The following RIMS2 variants were observed in gnomAD, a reference collection of about 807,000 sequenced individuals.
RIMS2 encodes the protein regulating synaptic membrane exocytosis protein 2.
A neutral mutation model predicts 174.4 loss-of-function variants in RIMS2; 59 were observed. The ratio of observed to expected loss-of-function variants is 0.34; its 90% CI spans 0.27 to 0.42. The LOEUF (loss-of-function observed/expected upper bound fraction) is 0.42, where lower values mean the gene tolerates loss of function less well. RIMS2 is among the 10% of genes least tolerant of loss of function. The pLI, the probability that RIMS2 is intolerant of heterozygous loss-of-function variation, is 1.00. For synonymous variants in RIMS2, 606 were observed against 572.5 expected (o/e 1.06, Z -0.84); for missense variants, 1,620 against 1,666.3 (o/e 0.97, Z 0.48).
chr8:103,580,033 C>T (rs372759818), intron 1 of RIMS2, among the ~76,000 whole-genome samples: 3 of 152,100 alleles, frequency 2.0e-5, no homozygotes, highest in Admixed American at 6.5e-5. Context: ...TCAGGTCTCT[C>T]CTCCAACACT....
rs780830800 is a variant in RIMS2, at chr8:103,885,414, A to G, written c.815A>G (p.Asp272Gly). 4 of 1,611,002 alleles carry G rather than the reference A, an allele frequency of 2.5e-6. No homozygotes were observed. In the South Asian group the frequency reaches 4.4e-5, roughly 18 times the overall value. The change falls in exon 4 of 24, where the codon GAT becomes GGT. Residue 272 changes from aspartate to glycine, a missense_variant. This residue lies in a region of RIMS2 where 1,395 missense variants were observed against 1,360.1 expected (regional missense o/e 1.03). Coordinates refer to ENST00000504942, the Ensembl canonical transcript of RIMS2. ...ACCGCAATGCCTAGATCTCCATCAG[A>G]TTATGCTGATAGGCGATCTCAACAT...
chr8:104,055,054 G>T (rs1185290855), intron 19 of RIMS2, among the ~76,000 whole-genome samples: 1 of 152,014 alleles, frequency 6.6e-6, no homozygotes, highest in East Asian at 1.9e-4. Context: ...ATTAAGGTTT[G>T]GGGGGCATGA....
chr8:103,522,925 T>A (rs1247580170), intron 1 of RIMS2, among the ~76,000 whole-genome samples: 2 of 152,158 alleles, frequency 1.3e-5, no homozygotes, highest in Non-Finnish European at 2.9e-5. Flanking sequence ...ATGAAGGAGT[T>A]AAAGACACTT....
chr8:103,510,941 T>C (rs1563583407), intron 1 of RIMS2, among the ~76,000 whole-genome samples: 1 of 152,204 alleles, frequency 6.6e-6, no homozygotes, highest in East Asian at 1.9e-4. Context: ...AATTTGGATA[T>C]ATATTTTTTT....
At chr8:103,960,580 T>G (rs2089671791) in intron 14 of RIMS2, among the ~76,000 whole-genome samples, 1 of 152,166 alleles carries the variant, frequency 6.6e-6, no homozygotes, top group Non-Finnish European at 1.5e-5. Flanking sequence ...TCCATGAGCA[T>G]GAAAAATAAG....
chr8:103,701,075 C>A (rs1306825538), intron 2 of RIMS2, among the ~76,000 whole-genome samples: 1 of 151,750 alleles, frequency 6.6e-6, no homozygotes, highest in Non-Finnish European at 1.5e-5. Flanking sequence ...TTATTTATTT[C>A]TTTTTGTAGA....
At chr8:103,937,434 C>A (rs1467104413) in intron 13 of RIMS2, among the ~76,000 whole-genome samples, 5 of 152,016 alleles carry the variant, frequency 3.3e-5, no homozygotes, top group Admixed American at 2.0e-4. Flanking sequence ...ATTTTCAAGC[C>A]CTACAATGTA....
At chr8:103,656,604 T>G (rs922919072) in intron 1 of RIMS2, among the ~76,000 whole-genome samples, 1 of 152,202 alleles carries the variant, frequency 6.6e-6, no homozygotes, top group Non-Finnish European at 1.5e-5. Flanking sequence ...ATTTTTGATA[T>G]GTGAAAGAGC....
At chr8:103,907,382 T>C (rs1594916899) in intron 4 of RIMS2, among the ~76,000 whole-genome samples, 1 of 152,350 alleles carries the variant, frequency 6.6e-6, no homozygotes, top group East Asian at 1.9e-4. Flanking sequence ...TTTCTAATCT[T>C]CATGATTGCC....
chr8:103,561,047 T>C (rs2091503887), intron 1 of RIMS2, among the ~76,000 whole-genome samples: 1 of 152,232 alleles, frequency 6.6e-6, no homozygotes, highest in Non-Finnish European at 1.5e-5. Context: ...GCTCAGTGAC[T>C]CAGTTGCAGC....
At chr8:103,936,443 A>C (rs1203431905) in intron 12 of RIMS2, 108 bp from the exon 15 acceptor site, 1 of 632,962 alleles carries the variant, frequency 1.6e-6, no homozygotes, top group Non-Finnish European at 2.6e-6. Flanking sequence ...TGATAATTTT[A>C]TGGTAAAACT....
At chr8:104,078,612 A>G (rs1227925731) in intron 19 of RIMS2, among the ~76,000 whole-genome samples, 2 of 152,230 alleles carry the variant, frequency 1.3e-5, no homozygotes, top group Non-Finnish European at 2.9e-5. Flanking sequence ...CTAGGACTTC[A>G]GTATAGGAAT....
intron 3 of RIMS2, among the ~76,000 whole-genome samples, chr8:103,778,996 T>G (rs1031380013): frequency 1.3e-5 from 2 of 152,152 alleles, no homozygotes; most frequent in Non-Finnish European, 2.9e-5. Flanking sequence ...CTCTGATTAT[T>G]AGTGATGTTG....
intron 3 of RIMS2, among the ~76,000 whole-genome samples, chr8:103,833,332 C>T (rs2154480571): frequency 6.6e-6 from 1 of 152,100 alleles, no homozygotes; most frequent in East Asian, 1.9e-4. Flanking sequence ...TTATGTTATG[C>T]TTACATGTGT....
chr8:103,740,228 T>A (rs1313236574), intron 2 of RIMS2, among the ~76,000 whole-genome samples: 2 of 152,186 alleles, frequency 1.3e-5, no homozygotes, highest in African/African-American at 4.8e-5. Flanking sequence ...ATATACGTTG[T>A]TAACATGCCA....
intron 19 of RIMS2, among the ~76,000 whole-genome samples, chr8:104,214,133 G>A (rs1200180227): frequency 6.6e-6 from 1 of 152,150 alleles, no homozygotes; most frequent in African/African-American, 2.4e-5. Flanking sequence ...TTATAAAGCA[G>A]TGGTCAAGGA....
intron 19 of RIMS2, among the ~76,000 whole-genome samples, chr8:104,191,797 G>T (rs563556470): frequency 6.6e-6 from 1 of 152,098 alleles, no homozygotes; most frequent in African/African-American, 2.4e-5. Context: ...TTAAGACGGG[G>T]TCTCACTATG....
chr8:104,051,519 G>C (rs1232784948), intron 19 of RIMS2, among the ~76,000 whole-genome samples: 1 of 151,910 alleles, frequency 6.6e-6, no homozygotes, highest in Non-Finnish European at 1.5e-5. Flanking sequence ...TATAGTCCAA[G>C]GTTGGGTTCA....
At chr8:103,897,935 TTCTTG>T (rs2154523307) in intron 4 of RIMS2, among the ~76,000 whole-genome samples, 1 of 151,830 alleles carries the variant, frequency 6.6e-6, no homozygotes, top group East Asian at 1.9e-4. Context: ...GCCTTCTGTA[TTCTTG>T]GCAATTGAGT....
Sources: allele counts gnomAD v4.1 joint callset (sites outside exome capture counted in the v4.1 genomes callset), GRCh38; gene constraint gnomAD v4.1.1; regional missense constraint gnomAD v4.1.1; transcripts MANE v1.5; gene names NCBI Gene and HGNC (gene_info 2026-07-23, HGNC 2026-07-21).